STAT3: variants seen among roughly 807,000 people sequenced by gnomAD.
The protein encoded by STAT3 is signal transducer and activator of transcription 3.
STAT3 carries 7 observed loss-of-function variants against 114.3 expected under a neutral mutation model. The observed-to-expected ratio is 0.06, with a 90% CI of 0.03 to 0.11. The LOEUF (loss-of-function observed/expected upper bound fraction) is 0.11, where lower values mean the gene tolerates loss of function less well. Ranked by LOEUF, STAT3 falls within the 10% of genes least tolerant of loss-of-function variation. The pLI, the probability that STAT3 is intolerant of heterozygous loss-of-function variation, is 1.00. For synonymous variants in STAT3, 331 were observed against 354.5 expected (o/e 0.93, Z 0.74); for missense variants, 364 against 960.9 (o/e 0.38, Z 8.21).
At chr17:42,350,099 A>G (rs111532030) in intron 1 of STAT3, among the ~76,000 whole-genome samples, 93 of 152,226 alleles carry the variant, frequency 6.1e-4, no homozygotes, top group African/African-American at 2.2e-3. Flanking sequence ...TACAAGTCAG[A>G]GCCAAAGATG....
chr17:42,381,839 C>T (rs778332191), intron 1 of STAT3, among the ~76,000 whole-genome samples: 9 of 151,518 alleles, frequency 5.9e-5, no homozygotes, highest in African/African-American at 9.7e-5. Flanking sequence ...TAACAGGATA[C>T]ATGTAAAACA....
At chr17:42,375,502 G>A (rs1043265428) in intron 1 of STAT3, among the ~76,000 whole-genome samples, 1 of 151,984 alleles carries the variant, frequency 6.6e-6, no homozygotes, top group Non-Finnish European at 1.5e-5. Context: ...CGCTCTCATG[G>A]CCCCTTTATT....
intron 1 of STAT3, among the ~76,000 whole-genome samples, chr17:42,351,108 T>C (rs1267284478): frequency 1.6e-5 from 2 of 126,930 alleles, no homozygotes; most frequent in East Asian, 4.3e-4. Flanking sequence ...TCCAGCCTGA[T>C]GACATAGCGA....
In STAT3 at chr17:42,326,865, G is replaced by T. The variant is rs1015446255; in HGVS notation, c.1282-666C>A. 3.3e-5 allele frequency among the ~76,000 whole-genome samples: 5 copies of T among 152,228 alleles called. No homozygotes were observed. In the South Asian group the frequency reaches 1.0e-3, roughly 32 times the overall value. On this transcript the variant is annotated intron_variant, in intron 14 of 23. Coordinates refer to ENST00000264657, the MANE Select transcript of STAT3 (RefSeq NM_139276.3). ...AAAAAGAGAAGGACACTTTTCCTCA[G>T]AGAGAATGGCATTCAGTACTAACAG...
intron 1 of STAT3, among the ~76,000 whole-genome samples, chr17:42,381,583 T>C (rs1443780168): frequency 6.6e-6 from 1 of 150,940 alleles, no homozygotes; most frequent in Non-Finnish European, 1.5e-5. Flanking sequence ...AAAAAAAACA[T>C]TAGCTGGGCG....
chr17:42,339,292 C>G, intron 5 of STAT3, 22 bp downstream of exon 5: 1 of 1,612,066 alleles, frequency 6.2e-7, no homozygotes, highest in South Asian at 1.1e-5. Flanking sequence ...GCTCCCTGCC[C>G]GAGGCTTGTA....
intron 1 of STAT3, among the ~76,000 whole-genome samples, chr17:42,351,063 G>T (rs1471743790): frequency 2.0e-5 from 3 of 150,266 alleles, no homozygotes; most frequent in Non-Finnish European, 4.4e-5. Context: ...CCCAGGAGGA[G>T]GAGGTTGCAG....
At chr17:42,336,363 C>A (rs532343080) in intron 8 of STAT3, among the ~76,000 whole-genome samples, 1 of 152,008 alleles carries the variant, frequency 6.6e-6, no homozygotes, top group African/African-American at 2.4e-5. Context: ...TTTGAGAGGC[C>A]GAAGTGGGAT....
At chr17:42,339,529 C>A in intron 4 of STAT3, 120 bp from the exon 5 acceptor site, 1 of 946,446 alleles carries the variant, frequency 1.1e-6, no homozygotes, top group African/African-American at 1.6e-5. Flanking sequence ...CTGCTGCCAT[C>A]ACAAGAGGAA....
intron 1 of STAT3, among the ~76,000 whole-genome samples, chr17:42,372,918 G>C (rs184871702): frequency 1.3e-5 from 2 of 152,060 alleles, no homozygotes; most frequent in African/African-American, 4.8e-5. Context: ...ATAATGTATC[G>C]AGTTGGTTCA....
intron 21 of STAT3, among the ~76,000 whole-genome samples, chr17:42,321,102 T>A (rs1278164405): frequency 6.7e-6 from 1 of 149,506 alleles, no homozygotes; most frequent in Non-Finnish European, 1.5e-5. Context: ...ACAGTATTTT[T>A]AATTTCTCTC....
intron 4 of STAT3, among the ~76,000 whole-genome samples, chr17:42,341,423 C>G (rs1304228849): frequency 6.6e-6 from 1 of 152,266 alleles, no homozygotes; most frequent in Non-Finnish European, 1.5e-5. Flanking sequence ...CCAAACACAC[C>G]TGAACTCACT....
Position 42,339,385 on chromosome 17 carries a change from T to A in STAT3, c.397A>T (p.Thr133Ser). The change falls in exon 5 of 24, where the codon ACA becomes TCA. Residue 133 changes from threonine to serine, a missense_variant. By Grantham distance (58) the Thr-to-Ser change is moderately conservative (BLOSUM62 1). Transcript: ENST00000264657. ...AQQGGQANHP[T>S]AAVVTEKQQM... Reference sequence around the variant, plus strand: ...TGCTTCTCCGTCACCACGGCTGCTGTGGGGTGGTTGGCCTGGCCCCCTTGC... The same window carrying A: ...TGCTTCTCCGTCACCACGGCTGCTGAGGGGTGGTTGGCCTGGCCCCCTTGC... 1.9e-6 allele frequency: 3 copies of A among 1,614,078 alleles called. No individual in the cohort carries two copies. Among genetic ancestry groups the A allele is most frequent in the Non-Finnish European group, 2.5e-6 (3 of 1,180,002 alleles).
Position 42,337,303 on chromosome 17 carries a change from T to A in STAT3, c.797+132A>T. The A allele has an allele frequency of 7.3e-7, 1 of 1,367,520 alleles. No homozygotes were observed. Among genetic ancestry groups the A allele is most frequent in the Non-Finnish European group, 9.8e-7 (1 of 1,020,200 alleles). The allele number at this position is 1,367,520 out of a possible 1,614,324, so 84.7% of individuals were successfully genotyped here. A position where few individuals can be genotyped will look rare whatever the true frequency, so the allele number is the denominator to read the frequency against. On this transcript the variant is annotated intron_variant, in intron 8 of 23. Transcript: ENST00000264657. The surrounding 1 kb of genome is among the most constrained non-coding windows in gnomAD (Gnocchi z 4.0). ...GGCCGAAATAAAGTAAAAACTTTAA[T>A]TCTTGGGCTAAATTTGAATATGGAA...
rs1167400593 is a variant in STAT3, at chr17:42,314,750, CTT to C, written c.*993_*994del. ...AAGGCCAGGTTGCAGCTTCAGATGTCTTAAGGGTTTGACCTGAAGCCCGTTTC... is the reference window on the plus strand; with the variant it reads ...AAGGCCAGGTTGCAGCTTCAGATGTCAAGGGTTTGACCTGAAGCCCGTTTC... On this transcript the variant is annotated 3_prime_UTR_variant, in exon 24 of 24. Coordinates refer to ENST00000264657, the MANE Select transcript of STAT3 (RefSeq NM_139276.3). The C allele has an allele frequency of 4.7e-6, 1 of 214,528 alleles. No homozygotes were observed. The highest frequency in any genetic ancestry group is 6.8e-5 in the East Asian group (1 of 14,628). The allele number at this position is 214,528 out of a possible 1,614,324, so 13.3% of individuals were successfully genotyped here. A position where few individuals can be genotyped will look rare whatever the true frequency, so the allele number is the denominator to read the frequency against.
At chr17:42,356,636 G>GTGTT (rs541278570) in intron 1 of STAT3, among the ~76,000 whole-genome samples, 77 of 151,212 alleles carry the variant, frequency 5.1e-4, no homozygotes, top group Non-Finnish European at 5.0e-4. Flanking sequence ...AAAGAGTATT[G>GTGTT]TGTTTGTTTG....
intron 11 of STAT3, 55 bp from the exon 12 acceptor site, chr17:42,329,831 C>A: frequency 6.3e-7 from 1 of 1,587,518 alleles, no homozygotes; most frequent in Non-Finnish European, 8.6e-7. Flanking sequence ...CTTCAAAAAG[C>A]CTACTTTGAC....
intron 1 of STAT3, among the ~76,000 whole-genome samples, chr17:42,365,211 T>A (rs1264201505): frequency 6.6e-6 from 1 of 152,086 alleles, no homozygotes; most frequent in Non-Finnish European, 1.5e-5. Context: ...GAAGTCTCAT[T>A]CTCCAGAACC....
intron 1 of STAT3, among the ~76,000 whole-genome samples, chr17:42,378,215 A>G (rs2145334686): frequency 6.6e-6 from 1 of 151,002 alleles, no homozygotes; most frequent in South Asian, 2.1e-4. Flanking sequence ...ACCTGCCCCT[A>G]TGTATAAGCG....
Sources: gnomAD v4.1 joint callset for allele counts (sites outside exome capture counted in the v4.1 genomes callset) on GRCh38, gnomAD v4.1.1 for gene constraint, Gnocchi (gnomAD v3.1) non-coding constraint, MANE v1.5 for transcripts, NCBI Gene and HGNC (gene_info 2026-07-23, HGNC 2026-07-21) for gene names.